Variants in ARMH3 observed in about 807,000 individuals in gnomAD.
The protein encoded by ARMH3 is armadillo-like helical domain-containing protein 3.
A neutral mutation model predicts 99.1 loss-of-function variants in ARMH3; 60 were observed. The ratio of observed to expected loss-of-function variants is 0.61; its 90% CI spans 0.49 to 0.75. The LOEUF is 0.75. Among genes scored for constraint, ARMH3 ranks in the 30% least tolerant of loss-of-function variants. ARMH3 has a pLI of 0.00. For synonymous variants in ARMH3, 285 were observed against 292.8 expected (o/e 0.97, Z 0.27); for missense variants, 679 against 843.1 (o/e 0.81, Z 2.41).
At position 102,033,383 on chromosome 10, in the gene ARMH3, C is replaced by CAA. The variant is rs1050932894; in HGVS notation, c.103-46_103-45dup. 7.0e-6 allele frequency: 11 copies of CAA among 1,574,900 alleles called. No individual in the cohort carries two copies. In the Admixed American group the frequency reaches 2.0e-4, roughly 29 times the overall value. ...CACATTCAGCCTTCCCAGCTAACACCAAAAGCATTAAGAATACTATACATA... is the reference window on the plus strand; with the variant it reads ...CACATTCAGCCTTCCCAGCTAACACCAAAAAAGCATTAAGAATACTATACATA... On this transcript the variant is annotated intron_variant, in intron 2 of 25. Coordinates refer to ENST00000370033, the MANE Select transcript of ARMH3 (RefSeq NM_024541.3).
At position 101,883,299 on chromosome 10, in the gene ARMH3, C is replaced by G. The variant is rs1468520343; in HGVS notation, c.1860+6113G>C. On this transcript the variant is annotated intron_variant, in intron 24 of 25. Coordinates refer to ENST00000370033, the MANE Select transcript of ARMH3 (RefSeq NM_024541.3). ...GGGCATGGTAGCATGCTCCTGTAGT[C>G]TTAGCTACTCAGGAGGCCAAGGCAG... Among the ~76,000 whole-genome samples the G allele has an allele frequency of 2.0e-5, 3 of 151,990 alleles. No individual in the cohort carries two copies. In the South Asian group the frequency reaches 6.2e-4, roughly 31 times the overall value.
At chr10:101,968,765 G>T (rs1415047024) in intron 20 of ARMH3, among the ~76,000 whole-genome samples, 2 of 152,132 alleles carry the variant, frequency 1.3e-5, no homozygotes, top group Non-Finnish European at 2.9e-5. Context: ...TGTAAATTTT[G>T]GATTCAGCCA....
chr10:102,035,673 C>T (rs866042463), intron 2 of ARMH3, among the ~76,000 whole-genome samples: 1 of 152,370 alleles, frequency 6.6e-6, no homozygotes, highest in Middle Eastern at 3.4e-3. Context: ...CCCGAGGTGC[C>T]GGGATTGCAG....
In ARMH3 at chr10:101,939,895, A is replaced by G. The variant is rs974978589; in HGVS notation, c.1749T>C (p.Ala583=). 6.2e-7 allele frequency: 1 copy of G among 1,613,718 alleles called. No homozygotes were observed. Among genetic ancestry groups the G allele is most frequent in the Non-Finnish European group, 8.5e-7 (1 of 1,179,964 alleles). Residue 583 remains alanine, a synonymous_variant, in exon 23 of 26, where the codon GCT becomes GCC. Transcript: ENST00000370033. The part of the protein sequence containing the change: ...STNAGQWKEA[A]SKVTHALVNI... ...TAACCAATGCATGGGTCACCTTGCT[A>G]GCTGCTTCCTTCCACTGGCCTGCAT... is the stretch of plus-strand genomic sequence containing the variant.
chr10:101,950,978 T>C (rs1844757050), intron 22 of ARMH3, among the ~76,000 whole-genome samples: 2 of 152,188 alleles, frequency 1.3e-5, no homozygotes, highest in African/African-American at 4.8e-5. Context: ...AGCTGTCATA[T>C]TAAAAAAATT....
At chr10:101,902,598 GCAAA>G (rs1490754260) in intron 23 of ARMH3, among the ~76,000 whole-genome samples, 2 of 152,010 alleles carry the variant, frequency 1.3e-5, no homozygotes, top group African/African-American at 2.4e-5. Context: ...TAGAACAAGA[GCAAA>G]CAAAGAGCTG....
rs768409280 is a variant in ARMH3, at chr10:102,023,539, T to C, written c.607A>G (p.Arg203Gly). 20 of 1,613,924 alleles carry C rather than the reference T, an allele frequency of 1.2e-5. No individual in the cohort carries two copies. The Middle Eastern group carries it at 4.9e-4, about 40-fold the overall frequency. ...ACGACAGCATCATACCCATGCTCCC[T>C]ACGACTTGGGGGATGGGAAAGTATC... The part of the protein sequence containing the change: ...LQILSHPPSR[R>G]EHGYDAVVLL... The change falls in exon 8 of 26, where the codon AGG becomes GGG. Residue 203 changes from arginine to glycine, a missense_variant. Physicochemically the swap from Arg to Gly is moderately radical, Grantham distance 125. Transcript: ENST00000370033.
intron 2 of ARMH3, among the ~76,000 whole-genome samples, chr10:102,038,089 CTTTTTTTT>C (rs949920845): frequency 4.4e-5 from 5 of 113,318 alleles, no homozygotes; most frequent in African/African-American, 1.4e-4. Context: ...AGAAAGAATC[CTTTTTTTT>C]TTTTTTTTTT....
chr10:102,021,384 AT>A (rs1381318319), intron 8 of ARMH3, among the ~76,000 whole-genome samples: 613 of 128,482 alleles, frequency 4.8e-3, no homozygotes, highest in African/African-American at 5.0e-3. Context: ...CCAGCCTTAG[AT>A]TTTTTTTTTT....
intron 1 of ARMH3, 65 bp from the exon 2 acceptor site, chr10:102,040,190 A>G (rs999689000): frequency 6.9e-6 from 9 of 1,309,794 alleles, no homozygotes; most frequent in Admixed American, 5.1e-5. Context: ...AATGGCAGAT[A>G]TATGTCATAC....
chr10:101,976,279 G>A (rs923766862), intron 19 of ARMH3, among the ~76,000 whole-genome samples: 1 of 149,622 alleles, frequency 6.7e-6, no homozygotes, highest in Middle Eastern at 3.5e-3. Flanking sequence ...AGCAAAGGTT[G>A]CAGTGAACCA....
intron 20 of ARMH3, among the ~76,000 whole-genome samples, chr10:101,970,428 T>C (rs558074379): frequency 5.3e-5 from 8 of 152,288 alleles, no homozygotes; most frequent in African/African-American, 1.9e-4. Flanking sequence ...AACACAACAT[T>C]GTGCTGCTTT....
intron 4 of ARMH3, among the ~76,000 whole-genome samples, chr10:102,031,152 A>G (rs1396589314): frequency 6.6e-6 from 1 of 152,174 alleles, no homozygotes; most frequent in Non-Finnish European, 1.5e-5. Flanking sequence ...AACTGCTTCA[A>G]ATCTTAAAAT....
intron 23 of ARMH3, among the ~76,000 whole-genome samples, chr10:101,908,202 AT>A (rs1842715545): frequency 1.3e-5 from 2 of 152,268 alleles, no homozygotes; most frequent in Admixed American, 1.3e-4. Flanking sequence ...GCTGCATTGT[AT>A]AAGATATTAC....
At chr10:102,033,365 A>G (rs1161646368) in intron 2 of ARMH3, 26 bp from the exon 3 acceptor site, 1 of 1,608,080 alleles carries the variant, frequency 6.2e-7, no homozygotes, top group East Asian at 2.2e-5. Flanking sequence ...AAGCACATTC[A>G]GCCTTCCCAG....
At chr10:101,998,704 C>T (rs2066275750) in intron 15 of ARMH3, among the ~76,000 whole-genome samples, 1 of 152,180 alleles carries the variant, frequency 6.6e-6, no homozygotes, top group African/African-American at 2.4e-5. Flanking sequence ...TCCTGGTCTT[C>T]TCCTCCTATG....
At chr10:101,960,470 T>G (rs1004903231) in intron 20 of ARMH3, among the ~76,000 whole-genome samples, 2 of 152,200 alleles carry the variant, frequency 1.3e-5, no homozygotes, top group Admixed American at 6.5e-5. Context: ...CCTTAGGTCA[T>G]TTAATCCGAT....
chr10:101,889,231 C>T (rs1418457636), intron 24 of ARMH3, among the ~76,000 whole-genome samples, 181 bp downstream of exon 24: 1 of 152,206 alleles, frequency 6.6e-6, no homozygotes, highest in Non-Finnish European at 1.5e-5. Flanking sequence ...ATGGCACAAA[C>T]GCAGACAGCA....
At chr10:101,877,530 T>C (rs190201265) in intron 24 of ARMH3, among the ~76,000 whole-genome samples, 25 of 152,088 alleles carry the variant, frequency 1.6e-4, no homozygotes, top group African/African-American at 6.0e-4. Context: ...CGTGATGGCG[T>C]GTGCCTGTAA....
Sources: gnomAD v4.1 joint callset for allele counts (sites outside exome capture counted in the v4.1 genomes callset) on GRCh38, gnomAD v4.1.1 for gene constraint, MANE v1.5 for transcripts, NCBI Gene and HGNC (gene_info 2026-07-23, HGNC 2026-07-21) for gene names.